Variants in ELFN2 observed in about 807,000 individuals in gnomAD.
ELFN2 encodes extracellular leucine rich repeat and fibronectin type III domain containing 2.
A neutral mutation model predicts 45.5 loss-of-function variants in ELFN2; 17 were observed. The observed-to-expected ratio is 0.37, with a 90% CI of 0.26 to 0.56. ELFN2 has a LOEUF of 0.56. Among genes scored for constraint, ELFN2 ranks in the 20% least tolerant of loss-of-function variants. The probability of loss-of-function intolerance (pLI) is 0.77; values close to 1 mark genes in which losing one functional copy is unlikely to be tolerated. For missense variants in ELFN2, 922 were observed against 1,183.2 expected, an observed-to-expected ratio of 0.78 and a Z score of 3.24; for synonymous variants, 550 against 551.5, an observed-to-expected ratio of 1.00 and a Z score of 0.04.
chr22:37,405,918 C>T (rs967667328), intron 2 of ELFN2, among the ~76,000 whole-genome samples: 4 of 152,046 alleles, frequency 2.6e-5, no homozygotes, highest in Non-Finnish European at 1.5e-5. Flanking sequence ...AGGAGGATCA[C>T]TTGAGCCCAG....
chr22:37,363,996 G>A (rs1403441312), downstream of ELFN2, among the ~76,000 whole-genome samples: 1 of 151,886 alleles, frequency 6.6e-6, no homozygotes, highest in Non-Finnish European at 1.5e-5. Context: ...TTCCCCATGT[G>A]GGAGTCCTCA....
At chr22:37,357,208 C>G (rs1182862669) in intron 1 of ELFN2, among the ~76,000 whole-genome samples, 1 of 152,212 alleles carries the variant, frequency 6.6e-6, no homozygotes, top group Non-Finnish European at 1.5e-5. Context: ...TAAGGAACAC[C>G]TGTCAGCTGC....
intron 2 of ELFN2, among the ~76,000 whole-genome samples, chr22:37,407,121 GCT>G (rs1348718814): frequency 3.3e-4 from 50 of 152,298 alleles, no homozygotes; most frequent in African/African-American, 1.1e-3. Context: ...ATTTGTGTGT[GCT>G]TGTGTGTGTG....
intron 2 of ELFN2, among the ~76,000 whole-genome samples, chr22:37,400,596 C>T (rs1304902556): frequency 6.6e-6 from 1 of 152,208 alleles, no homozygotes; most frequent in African/African-American, 2.4e-5. Context: ...TGCCAGGACT[C>T]CCCAAGGCCC....
rs28412343 is a variant in ELFN2, at chr22:37,356,469, G to C, written n.149-13766C>G. On this transcript the variant is annotated intron_variant and non_coding_transcript_variant, in intron 1 of 2. Coordinates refer to ENST00000452946, the Ensembl canonical transcript of ELFN2. Reference sequence around the variant, plus strand: ...TCCTAGAGGTGGAATTTCAGGGTTAGAGGGGGCACCTTGGGGGGAGTCTTG... The same window carrying C: ...TCCTAGAGGTGGAATTTCAGGGTTACAGGGGGCACCTTGGGGGGAGTCTTG... 5.5e-3 allele frequency among the ~76,000 whole-genome samples: 766 copies of C among 138,476 alleles called. 9 individuals are homozygous for C. Among genetic ancestry groups the C allele is most frequent in the African/African-American group, 0.024 (742 of 31,196 alleles). 90.8% of individuals were successfully genotyped at this position (138,476 alleles called of 152,430 possible). A position where few individuals can be genotyped will look rare whatever the true frequency, so the allele number is the denominator to read the frequency against.
chr22:37,374,204 C>T lies in ELFN2; in HGVS notation c.1331G>A (p.Gly444Glu). 6.2e-7 allele frequency: 1 copy of T among 1,613,798 alleles called. No homozygotes were observed. The highest frequency in any genetic ancestry group is 8.5e-7 in the Non-Finnish European group (1 of 1,180,030). Residue 444 changes from glycine to glutamate, a missense_variant, in exon 3 of 3, where the codon GGG becomes GAG. Gly to Glu is a moderately conservative substitution (Grantham distance 98). Coordinates refer to ENST00000402918, the MANE Select transcript of ELFN2 (RefSeq NM_052906.5). ...AATGGAGCCGGCATCCACATCAGCC[C>T]CGTAGCGCATCTCCAGGATGGTCTT... ...VKKTILEMRY[G>E]ADVDAGSIVH...
rs1001345198 is a variant in ELFN2 at position 37,369,199 on chromosome 22, C to G, written c.*3873G>C. 3 of 152,136 alleles carry G rather than the reference C, an allele frequency of 2.0e-5. No homozygotes were observed. Among genetic ancestry groups the G allele is most frequent in the African/African-American group, 7.2e-5 (3 of 41,382 alleles). 9.4% of individuals were successfully genotyped at this position (152,136 alleles called of 1,614,324 possible). The stretch of plus-strand genomic sequence containing the variant: ...TCCGTCTCTGCACTTCTGTTCACCC[C>G]GCTGTTACATTTCCAGGAGGGAGTG... On this transcript the variant is annotated 3_prime_UTR_variant, in exon 3 of 3. Transcript: ENST00000402918.
At position 37,410,158 on chromosome 22, in the gene ELFN2, C is replaced by T. The variant is rs192382446; in HGVS notation, c.-463+7611G>A. Among the ~76,000 whole-genome samples, 450 of 152,104 alleles carry T rather than the reference C, an allele frequency of 3.0e-3. 5 individuals carry two copies. Among genetic ancestry groups the T allele is most frequent in the African/African-American group, 9.8e-3 (406 of 41,490 alleles). On this transcript the variant is annotated intron_variant, in intron 2 of 2. Coordinates refer to ENST00000402918, the MANE Select transcript of ELFN2 (RefSeq NM_052906.5). ...CTGCGGCCTGAGAGACAGGCGGTTG[C>T]GGCAAACAGACGGGGCAGGGCCAGA...
At chr22:37,381,085 T>C (rs1931748877) in intron 2 of ELFN2, among the ~76,000 whole-genome samples, 1 of 152,176 alleles carries the variant, frequency 6.6e-6, no homozygotes, top group South Asian at 2.1e-4. Flanking sequence ...ACCTAACTCC[T>C]CTGGGCTTCA....
chr22:37,412,166 G>A (rs1003958376), intron 2 of ELFN2, among the ~76,000 whole-genome samples: 9 of 150,076 alleles, frequency 6.0e-5, no homozygotes, highest in Non-Finnish European at 1.2e-4. Flanking sequence ...TCAACATGGC[G>A]AAACCTGGTC....
At position 37,391,739 on chromosome 22, in the gene ELFN2, C is replaced by T. The variant is rs141287657; in HGVS notation, c.-462-15743G>A. 2.8e-4 allele frequency among the ~76,000 whole-genome samples: 43 copies of T among 152,308 alleles called. No individual in the cohort carries two copies. The East Asian group carries it at 5.6e-3, about 20-fold the overall frequency. On this transcript the variant is annotated intron_variant, in intron 2 of 2. Transcript: ENST00000402918. Reference sequence around the variant, plus strand: ...ATCAGAGCCTCAAAACAACCCCAAACGGCAGACAGACCCTTACATGACAGG... The same window carrying T: ...ATCAGAGCCTCAAAACAACCCCAAATGGCAGACAGACCCTTACATGACAGG...
At position 37,377,863 on chromosome 22, in the gene ELFN2, G is replaced by A. The variant is rs569699524; in HGVS notation, c.-462-1867C>T. On this transcript the variant is annotated intron_variant, in intron 2 of 2. Coordinates refer to ENST00000402918, the MANE Select transcript of ELFN2 (RefSeq NM_052906.5). ...CAGGGCTGCAGAGACCTTGGCCCCC[G>A]TCCAGCACGGCCACTGGCTCCTGGG... is the stretch of plus-strand genomic sequence containing the variant. Among the ~76,000 whole-genome samples the A allele has an allele frequency of 7.2e-5, 11 of 152,304 alleles. No individual in the cohort carries two copies. The South Asian group carries it at 1.0e-3, about 14-fold the overall frequency.
At chr22:37,354,291 G>A (rs1321144143) in intron 1 of ELFN2, 2 of 152,198 alleles carry the variant, frequency 1.3e-5, no homozygotes, top group Admixed American at 6.5e-5. Context: ...TCTTCATCAG[G>A]AGGCCATGCC....
chr22:37,393,412 G>A (rs1288646734), intron 2 of ELFN2, among the ~76,000 whole-genome samples: 1 of 152,228 alleles, frequency 6.6e-6, no homozygotes, highest in Non-Finnish European at 1.5e-5. Flanking sequence ...CATCCTGAGG[G>A]CAGCATCTCC....
chr22:37,357,031 A>G (rs948221940), intron 1 of ELFN2, among the ~76,000 whole-genome samples: 4 of 152,196 alleles, frequency 2.6e-5, no homozygotes, highest in African/African-American at 9.7e-5. Flanking sequence ...TAGAGCTGGC[A>G]TGTCAGCTCT....
rs1930884558 is a variant in ELFN2, at chr22:37,353,929, G to C, written n.149-11226C>G. 2 of 137,758 alleles carry C rather than the reference G, an allele frequency of 1.5e-5. 1 individual carries two copies. The highest frequency in any genetic ancestry group is 3.4e-5 in the Non-Finnish European group (2 of 58,270). 8.5% of individuals were successfully genotyped at this position (137,758 alleles called of 1,614,324 possible). On this transcript the variant is annotated intron_variant and non_coding_transcript_variant, in intron 1 of 2. Coordinates refer to ENST00000452946, the Ensembl canonical transcript of ELFN2. ...TCCTAGGTTTACACTCAACAGGAGT[G>C]AGTACATATGCCCAAGAAAAGACGT...
chr22:37,400,341 C>A (rs534223035), intron 2 of ELFN2, among the ~76,000 whole-genome samples: 1 of 152,102 alleles, frequency 6.6e-6, no homozygotes, highest in African/African-American at 2.4e-5. Flanking sequence ...GCAGCAGGGG[C>A]AGTTGTCCCC....
In ELFN2 at chr22:37,351,243, TCTC is replaced by T. The variant is rs1186127372; in HGVS notation, n.149-8543_149-8541del. 4.1e-5 allele frequency among the ~76,000 whole-genome samples: 6 copies of T among 148,078 alleles called. No individual in the cohort carries two copies. The South Asian group carries it at 1.1e-3, about 26-fold the overall frequency. The stretch of plus-strand genomic sequence containing the variant: ...CTTCTCTCCCTCCTCCTCACTGTCT[TCTC>T]CTTGTTCTCTAGTCCCTCACTCCTC... On this transcript the variant is annotated intron_variant and non_coding_transcript_variant, in intron 1 of 2. Coordinates refer to ENST00000452946, the Ensembl canonical transcript of ELFN2.
chr22:37,396,863 G>A (rs774742972), intron 2 of ELFN2, among the ~76,000 whole-genome samples: 1 of 152,300 alleles, frequency 6.6e-6, no homozygotes, highest in East Asian at 1.9e-4. Context: ...CCCACTGGAA[G>A]ATGAAGATCA....
Sources: allele counts gnomAD v4.1 joint callset (sites outside exome capture counted in the v4.1 genomes callset), GRCh38; gene constraint gnomAD v4.1.1; transcripts MANE v1.5; gene names NCBI Gene and HGNC (gene_info 2026-07-23, HGNC 2026-07-21).